ADGRD1: variants seen among roughly 807,000 people sequenced by gnomAD.
ADGRD1 encodes G-protein coupled receptor 133.
ADGRD1 carries 77 observed loss-of-function variants against 113.4 expected under a neutral mutation model. The observed-to-expected ratio is 0.68, with a 90% CI of 0.57 to 0.82. The LOEUF (loss-of-function observed/expected upper bound fraction) is 0.82, where lower values mean the gene tolerates loss of function less well. ADGRD1 is among the 40% of genes least tolerant of loss of function. The pLI, the probability that ADGRD1 is intolerant of heterozygous loss-of-function variation, is 0.00. For missense variants in ADGRD1, 1,036 were observed against 1,139.1 expected, an observed-to-expected ratio of 0.91 and a Z score of 1.30; for synonymous variants, 474 against 475.0, an observed-to-expected ratio of 1.00 and a Z score of 0.03.
chr12:131,019,840 G>A (rs1426468333), intron 13 of ADGRD1, among the ~76,000 whole-genome samples: 4 of 77,964 alleles, frequency 5.1e-5, no homozygotes, highest in East Asian at 6.3e-4. Context: ...TCCAGGGGCA[G>A]GACCCCGAGC....
Position 130,984,762 on chromosome 12 carries a change from C to G in ADGRD1, c.491-2333C>G, listed in dbSNP as rs148662645. Reference sequence around the variant, plus strand: ...TGTTTTTCTTTCTTTTTTCCTTCCTCCCTTTCTTCTTCCCCTCCTCTCTCT... The same window carrying G: ...TGTTTTTCTTTCTTTTTTCCTTCCTGCCTTTCTTCTTCCCCTCCTCTCTCT... On this transcript the variant is annotated intron_variant, in intron 5 of 24. Transcript: ENST00000261654. This position sits in a 1 kb window ranked among gnomAD's most constrained non-coding sequence, Gnocchi z 4.1. Among the ~76,000 whole-genome samples, 1 of 151,700 alleles carries G rather than the reference C, an allele frequency of 6.6e-6. No individual in the cohort carries two copies. The highest frequency in any genetic ancestry group is 6.6e-5 in the Admixed American group (1 of 15,218).
At chr12:131,110,005 A>C (rs1016794678) in intron 18 of ADGRD1, among the ~76,000 whole-genome samples, 20 of 152,362 alleles carry the variant, frequency 1.3e-4, no homozygotes, top group Middle Eastern at 6.8e-3. Context: ...CCATATGATT[A>C]GTAGACTCGC....
At chr12:131,048,745 A>G (rs1883087910) in intron 13 of ADGRD1, among the ~76,000 whole-genome samples, 2 of 152,180 alleles carry the variant, frequency 1.3e-5, no homozygotes, top group Non-Finnish European at 2.9e-5. Flanking sequence ...TAATTTTCAG[A>G]TGCTGGCGTG....
intron 3 of ADGRD1, chr12:130,968,838 G>A (rs1375655358): frequency 8.1e-6 from 5 of 617,218 alleles, no homozygotes; most frequent in Non-Finnish European, 1.4e-5. Flanking sequence ...GGGGATGTGA[G>A]GTCCGAAGAG....
At chr12:130,957,508 TCA>T (rs969319203) in intron 2 of ADGRD1, 14 of 151,930 alleles carry the variant, frequency 9.2e-5, no homozygotes, top group African/African-American at 3.4e-4. Flanking sequence ...CCTCACACAT[TCA>T]CACACATCCC....
rs5801945 is a variant in ADGRD1, at chr12:130,992,120, C to CAA, written c.811-101_811-100dup. 4.7e-5 allele frequency: 31 copies of CAA among 658,086 alleles called. No homozygotes were observed. In the African/African-American group the frequency reaches 5.3e-4, roughly 11 times the overall value. 40.8% of individuals were successfully genotyped at this position (658,086 alleles called of 1,614,324 possible). On this transcript the variant is annotated intron_variant, in intron 7 of 24. Transcript: ENST00000261654. ...TGGGCAACAGAGCAAGACTCAGTCT[C>CAA]AAAAAAAAAAAAAAAAATTAAAAAA...
chr12:131,112,665 T>G (rs1305866657), intron 18 of ADGRD1, among the ~76,000 whole-genome samples: 2 of 152,252 alleles, frequency 1.3e-5, no homozygotes, highest in Non-Finnish European at 2.9e-5. Flanking sequence ...TCTAACCTAA[T>G]GGGTAGCTTC....
chr12:131,039,537 G>A (rs898721291), intron 13 of ADGRD1, among the ~76,000 whole-genome samples: 4 of 152,262 alleles, frequency 2.6e-5, no homozygotes, highest in African/African-American at 9.6e-5. Context: ...AGGGAGCTCT[G>A]ACAAGGGACA....
chr12:131,033,211 T>C (rs13377642), intron 13 of ADGRD1, among the ~76,000 whole-genome samples: 24,028 of 146,918 alleles, frequency 0.16, 2,284 homozygotes, highest in African/African-American at 0.26. Context: ...GTTGGGTGGG[T>C]CCCCTGTAGC....
At chr12:130,987,403 C>T (rs897376702) in intron 6 of ADGRD1, 54 bp downstream of exon 6, 1 of 1,600,976 alleles carries the variant, frequency 6.2e-7, no homozygotes, top group African/African-American at 1.3e-5. Flanking sequence ...CAGGGTCACC[C>T]TGGTATCGGC....
chr12:131,035,863 A>G (rs1050771016), intron 13 of ADGRD1, among the ~76,000 whole-genome samples: 1 of 152,226 alleles, frequency 6.6e-6, no homozygotes, highest in Non-Finnish European at 1.5e-5. Flanking sequence ...ATTATAATGT[A>G]GATAAAAATG....
rs1887276502 is a variant in ADGRD1, at chr12:131,096,278, C to T, written c.1672-8553C>T. ...TTTATTTGTGTTAGAGACAAGGTTG[C>T]ACGCTGTGGTCCAGGCTGGAGTCAG... On this transcript the variant is annotated intron_variant, in intron 15 of 24. Transcript: ENST00000261654. The surrounding 1 kb of genome is among the most constrained non-coding windows in gnomAD (Gnocchi z 5.2). 6.6e-6 allele frequency among the ~76,000 whole-genome samples: 1 copy of T among 152,206 alleles called. No individual in the cohort carries two copies. Among genetic ancestry groups the T allele is most frequent in the Non-Finnish European group, 1.5e-5 (1 of 68,052 alleles).
chr12:131,064,803 A>C lies in ADGRD1; in HGVS notation c.1474-11998A>C, dbSNP rs148743584. On this transcript the variant is annotated intron_variant, in intron 13 of 24. Coordinates refer to ENST00000261654, the MANE Select transcript of ADGRD1 (RefSeq NM_198827.5). ...ACTCTCATATGTTGTTTTAGAAAGCAAAGGGAAAGGAGAGTTTTCTTTGGG... is the reference window on the plus strand; with the variant it reads ...ACTCTCATATGTTGTTTTAGAAAGCCAAGGGAAAGGAGAGTTTTCTTTGGG... Among the ~76,000 whole-genome samples the C allele has an allele frequency of 6.9e-3, 1,055 of 152,366 alleles. 6 individuals carry two copies. Among genetic ancestry groups the C allele is most frequent in the Admixed American group, 0.011 (172 of 15,306 alleles).
At chr12:131,062,209 G>T (rs1008576309) in intron 13 of ADGRD1, among the ~76,000 whole-genome samples, 16 of 152,196 alleles carry the variant, frequency 1.1e-4, no homozygotes, top group African/African-American at 3.6e-4. Context: ...TGGCCAGGCT[G>T]GTCTTGAACT....
chr12:131,120,475 C>T (rs936267055), intron 19 of ADGRD1, among the ~76,000 whole-genome samples: 3 of 152,158 alleles, frequency 2.0e-5, no homozygotes, highest in Non-Finnish European at 4.4e-5. Flanking sequence ...TCAGGTGCTG[C>T]ATCGCTGACG....
At chr12:131,045,832 T>C (rs191324791) in intron 13 of ADGRD1, among the ~76,000 whole-genome samples, 1 of 152,246 alleles carries the variant, frequency 6.6e-6, no homozygotes, top group East Asian at 1.9e-4. Flanking sequence ...GGCTGAGATG[T>C]GACCAAGGTG....
chr12:131,038,345 AT>A (rs1181622004), intron 13 of ADGRD1, among the ~76,000 whole-genome samples: 1 of 152,184 alleles, frequency 6.6e-6, no homozygotes, highest in African/African-American at 2.4e-5. Context: ...ATGTGTTAGA[AT>A]TCCTCTCAAC....
At chr12:131,036,047 A>T (rs888024351) in intron 13 of ADGRD1, among the ~76,000 whole-genome samples, 2 of 152,210 alleles carry the variant, frequency 1.3e-5, no homozygotes, top group Non-Finnish European at 2.9e-5. Context: ...GTTTAAAAAT[A>T]AAAAGAAATT....
At chr12:131,005,442 T>C (rs1262980210) in intron 11 of ADGRD1, among the ~76,000 whole-genome samples, 1 of 152,218 alleles carries the variant, frequency 6.6e-6, no homozygotes, top group African/African-American at 2.4e-5. Context: ...CTGGTTATAA[T>C]AGAGGTGTGA....
Sources: gnomAD v4.1 joint callset for allele counts (sites outside exome capture counted in the v4.1 genomes callset) on GRCh38, gnomAD v4.1.1 for gene constraint, Gnocchi (gnomAD v3.1) non-coding constraint, MANE v1.5 for transcripts, NCBI Gene and HGNC (gene_info 2026-07-23, HGNC 2026-07-21) for gene names.